Variants in DLC1 observed in about 807,000 individuals in gnomAD.
The protein encoded by DLC1 is rho GTPase-activating protein 7.
In DLC1, 54 loss-of-function variants were observed where a neutral mutation model predicts 140.3. The observed-to-expected ratio is 0.38, with a 90% confidence interval of 0.31 to 0.48. The LOEUF is 0.48. Among genes scored for constraint, DLC1 ranks in the 20% least tolerant of loss-of-function variants. The pLI, the probability that DLC1 is intolerant of heterozygous loss-of-function variation, is 0.96. For missense variants in DLC1, 2,536 were observed against 1,907.0 expected, an observed-to-expected ratio of 1.33 and a Z score of -6.14; for synonymous variants, 986 against 728.1, an observed-to-expected ratio of 1.35 and a Z score of -5.70.
intron 5 of DLC1, among the ~76,000 whole-genome samples, chr8:13,284,610 A>G (rs1403674973): frequency 6.6e-6 from 1 of 152,188 alleles, no homozygotes; most frequent in Non-Finnish European, 1.5e-5. Flanking sequence ...TAGAAGAACA[A>G]AACCTGGTTC....
intron 5 of DLC1, among the ~76,000 whole-genome samples, chr8:13,272,048 C>T (rs1830953999): frequency 6.6e-6 from 1 of 152,188 alleles, no homozygotes; most frequent in South Asian, 2.1e-4. Context: ...GACTTTTTCC[C>T]TTATATGTCA....
chr8:13,523,370 A>G (rs11987048), intron 1 of DLC1, among the ~76,000 whole-genome samples: 24,512 of 152,164 alleles, frequency 0.16, 3,164 homozygotes, highest in East Asian at 0.55. Flanking sequence ...ATCATCAATT[A>G]AAAAAGGAAA....
At chr8:13,317,504 G>C (rs977265858) in intron 4 of DLC1, among the ~76,000 whole-genome samples, 13 of 152,146 alleles carry the variant, frequency 8.5e-5, no homozygotes, top group Admixed American at 3.9e-4. Context: ...TAGAAGATAG[G>C]AGATGAAGAG....
intron 5 of DLC1, among the ~76,000 whole-genome samples, chr8:13,162,484 G>A (rs185344355): frequency 2.4e-4 from 36 of 152,230 alleles, no homozygotes; most frequent in Admixed American, 1.2e-3. Flanking sequence ...CACCAAACCC[G>A]GCTAATTTTT....
At chr8:13,300,165 A>G (rs933335366) in intron 5 of DLC1, among the ~76,000 whole-genome samples, 1 of 152,182 alleles carries the variant, frequency 6.6e-6, no homozygotes, top group Non-Finnish European at 1.5e-5. Flanking sequence ...CATCATCTTC[A>G]GCAAACTAAA....
intron 2 of DLC1, among the ~76,000 whole-genome samples, chr8:13,410,328 A>C (rs1256973858): frequency 6.6e-6 from 1 of 152,162 alleles, no homozygotes; most frequent in Admixed American, 6.6e-5. Flanking sequence ...AAAAAGTAAG[A>C]ATGCTTGTTA....
intron 1 of DLC1, among the ~76,000 whole-genome samples, chr8:13,549,789 G>A (rs1012501857): frequency 6.6e-6 from 1 of 152,072 alleles, no homozygotes; most frequent in Non-Finnish European, 1.5e-5. Flanking sequence ...GGCATGTCAT[G>A]CATTTGGATT....
chr8:13,153,482 A>G (rs10282880), intron 5 of DLC1, among the ~76,000 whole-genome samples: 23,011 of 152,198 alleles, frequency 0.15, 1,876 homozygotes, highest in Non-Finnish European at 0.18. Flanking sequence ...CAAAGCTTCC[A>G]CAGTGTGGAA....
At chr8:13,474,363 T>G (rs1800345258) in intron 2 of DLC1, among the ~76,000 whole-genome samples, 1 of 152,184 alleles carries the variant, frequency 6.6e-6, no homozygotes, top group Non-Finnish European at 1.5e-5. Context: ...AACACCTGGA[T>G]GTCCAGGAAG....
At chr8:13,154,399 T>C (rs1824086445) in intron 5 of DLC1, among the ~76,000 whole-genome samples, 1 of 152,182 alleles carries the variant, frequency 6.6e-6, no homozygotes, top group Non-Finnish European at 1.5e-5. Context: ...GGGCCAGCAG[T>C]GCTGGGGGAC....
At chr8:13,589,076 T>A (rs1805427500) in intron 1 of DLC1, among the ~76,000 whole-genome samples, 1 of 152,088 alleles carries the variant, frequency 6.6e-6, no homozygotes, top group Non-Finnish European at 1.5e-5. Context: ...CAGTGAGAAG[T>A]CAAATACCAA....
chr8:13,314,047 G>C (rs1241706884), intron 4 of DLC1, among the ~76,000 whole-genome samples: 3 of 151,986 alleles, frequency 2.0e-5, no homozygotes, highest in African/African-American at 4.8e-5. Context: ...AGAAAATGTA[G>C]AACATTTATA....
chr8:13,525,040 C>A (rs1585241781), intron 1 of DLC1, among the ~76,000 whole-genome samples: 1 of 152,192 alleles, frequency 6.6e-6, no homozygotes, highest in East Asian at 1.9e-4. Flanking sequence ...GATCTGCTTT[C>A]TGTCACTGCA....
rs149033845 is a variant in DLC1, at chr8:13,503,442, T to C, written c.-125-3246A>G. On this transcript the variant is annotated intron_variant, in intron 1 of 17. Coordinates refer to ENST00000276297, the MANE Select transcript of DLC1 (RefSeq NM_182643.3). ...AATTAAATGTTACCGTATTTAACAA[T>C]TGGAGACATTCTAGTTTGAAAATCA... Among the ~76,000 whole-genome samples, 377 of 152,282 alleles carry C rather than the reference T, an allele frequency of 2.5e-3. 2 individuals carry two copies. Among genetic ancestry groups the C allele is most frequent in the African/African-American group, 8.6e-3 (359 of 41,568 alleles).
At chr8:13,262,298 G>C (rs1830498589) in intron 5 of DLC1, among the ~76,000 whole-genome samples, 1 of 152,032 alleles carries the variant, frequency 6.6e-6, no homozygotes, top group Non-Finnish European at 1.5e-5. Flanking sequence ...TTAAAGACTT[G>C]CTCAAGGGGA....
intron 2 of DLC1, among the ~76,000 whole-genome samples, chr8:13,412,873 A>C (rs1036481844): frequency 6.9e-6 from 1 of 145,238 alleles, no homozygotes; most frequent in Non-Finnish European, 1.5e-5. Flanking sequence ...CGGAGCTTGC[A>C]GTAAGCTGAG....
Position 13,561,739 on chromosome 8 carries a change from T to G in DLC1, c.-126+42798A>C, listed in dbSNP as rs533158255. On this transcript the variant is annotated intron_variant, in intron 1 of 1. Coordinates refer to the DLC1 transcript ENST00000631382. ...ATTCTGACTGCTTGAATTTTTAAAT[T>G]CAAAACATTACAGAACTATGATAAA... Among the ~76,000 whole-genome samples the G allele has an allele frequency of 2.0e-5, 3 of 152,290 alleles. No individual in the cohort carries two copies. In the South Asian group the frequency reaches 6.2e-4, roughly 32 times the overall value.
intron 1 of DLC1, among the ~76,000 whole-genome samples, chr8:13,501,297 C>T (rs1801804907): frequency 6.6e-6 from 1 of 152,098 alleles, no homozygotes. Flanking sequence ...AAATTTTTGC[C>T]TTGAATTCTT....
At chr8:13,141,967 G>A (rs912374515) in intron 5 of DLC1, among the ~76,000 whole-genome samples, 1 of 152,140 alleles carries the variant, frequency 6.6e-6, no homozygotes, top group Non-Finnish European at 1.5e-5. Context: ...GGTATTTAGG[G>A]AGGCACCTAC....
Sources: gnomAD v4.1 joint callset for allele counts (sites outside exome capture counted in the v4.1 genomes callset) on GRCh38, gnomAD v4.1.1 for gene constraint, MANE v1.5 for transcripts, NCBI Gene and HGNC (gene_info 2026-07-23, HGNC 2026-07-21) for gene names.